TAF7L: variants seen among roughly 807,000 people sequenced by gnomAD.
The protein encoded by TAF7L is TATA-box binding protein associated factor 7 like.
In TAF7L, 6 loss-of-function variants were observed where a neutral mutation model predicts 30.2. The ratio of observed to expected loss-of-function variants is 0.20; its 90% CI spans 0.11 to 0.39. TAF7L has a LOEUF of 0.39. TAF7L is among the 10% of genes least tolerant of loss of function. The pLI is 1.00. For missense variants in TAF7L, 284 were observed against 277.1 expected (o/e 1.03, Z -0.18); for synonymous variants, 93 against 94.5 (o/e 0.98, Z 0.09).
At chrX:101,278,850 G>A (rs1924306031) in intron 7 of TAF7L, 144 bp downstream of exon 7, 2 of 463,619 alleles carry the variant, frequency 4.3e-6, no homozygotes, top group African/African-American at 4.8e-5. Flanking sequence ...ATCAAACCCA[G>A]TGTATGTGTT....
At chrX:101,274,785 T>A (rs773559055) in intron 12 of TAF7L, among the ~76,000 whole-genome samples, 1 of 112,323 alleles carries the variant, frequency 8.9e-6, no homozygotes. Flanking sequence ...TAGCTCACAT[T>A]TATTTCAACG....
Position 101,268,322 on chromosome X carries a change from GA to G in TAF7L, c.*870del, listed in dbSNP as rs1451213436. 1 of 111,660 alleles carries G rather than the reference GA, an allele frequency of 9.0e-6. No individual in the cohort carries two copies. The highest frequency in any genetic ancestry group is 1.9e-5 in the Non-Finnish European group (1 of 53,138). 9.2% of individuals were successfully genotyped at this position (111,660 alleles called of 1,213,427 possible). A position where few individuals can be genotyped will look rare whatever the true frequency, so the allele number is the denominator to read the frequency against. ...CCATAAAACACTAATAATATACCTA[GA>G]AAAAAACCCAAACAAGATTGTTAAA... On this transcript the variant is annotated 3_prime_UTR_variant, in exon 13 of 13. Coordinates refer to ENST00000356784, the MANE Select transcript of TAF7L (RefSeq NM_001168474.2).
chrX:101,286,191 A>AG (rs1924588149), intron 3 of TAF7L, among the ~76,000 whole-genome samples: 1 of 107,243 alleles, frequency 9.3e-6, no homozygotes, highest in Non-Finnish European at 1.9e-5. Flanking sequence ...AAAAAAAAAA[A>AG]AAAAGAAAGA....
chrX:101,290,197 A>AAAAACAAAAC (rs763682311), intron 1 of TAF7L, among the ~76,000 whole-genome samples: 1 of 110,887 alleles, frequency 9.0e-6, no homozygotes, highest in Non-Finnish European at 1.9e-5. Context: ...ACTCCTTCTC[A>AAAAACAAAAC]AAAACAAAAC....
chrX:101,283,809 A>G (rs1924495362), intron 3 of TAF7L, among the ~76,000 whole-genome samples: 1 of 111,918 alleles, frequency 8.9e-6, no homozygotes, highest in Non-Finnish European at 1.9e-5. Context: ...AAAAGTAGCT[A>G]AGTTTCTTGT....
chrX:101,268,459 T>TCTAA lies in TAF7L; in HGVS notation c.*730_*733dup, dbSNP rs765543856. On this transcript the variant is annotated 3_prime_UTR_variant, in exon 13 of 13. Coordinates refer to ENST00000356784, the MANE Select transcript of TAF7L (RefSeq NM_001168474.2). Reference sequence around the variant, plus strand: ...CAGTTCATAATTTCTTCATCTCTGCTCTAACTGTTCCCTTAGTTGGTGAAT... The same window carrying TCTAA: ...CAGTTCATAATTTCTTCATCTCTGCTCTAACTAACTGTTCCCTTAGTTGGTGAAT... The TCTAA allele has an allele frequency of 1.8e-5, 2 of 111,872 alleles. No homozygotes were observed. Among genetic ancestry groups the TCTAA allele is most frequent in the Admixed American group, 9.5e-5 (1 of 10,482 alleles). The allele number at this position is 111,872 out of a possible 1,213,427, so 9.2% of individuals were successfully genotyped here.
chrX:101,286,298 T>G (rs752179160), intron 3 of TAF7L, among the ~76,000 whole-genome samples: 3 of 111,618 alleles, frequency 2.7e-5, no homozygotes, highest in African/African-American at 9.7e-5. Context: ...TCATAAAGTT[T>G]ATATATGGGA....
At chrX:101,273,587 TA>T (rs373591733) in intron 12 of TAF7L, among the ~76,000 whole-genome samples, 2,504 of 104,074 alleles carry the variant, frequency 0.024, 90 homozygotes, top group African/African-American at 0.078. Context: ...AGACTCCATT[TA>T]AAAAAAAAAA....
chrX:101,287,984 G>A (rs770995850), intron 1 of TAF7L, among the ~76,000 whole-genome samples: 1 of 111,720 alleles, frequency 9.0e-6, no homozygotes, highest in Non-Finnish European at 1.9e-5. Flanking sequence ...AATGTTCTGT[G>A]ATGATTTGAA....
At chrX:101,276,140 A>G in intron 10 of TAF7L, 28 bp from the exon 11 acceptor site, 1 of 1,157,096 alleles carries the variant, frequency 8.6e-7, no homozygotes, top group African/African-American at 1.8e-5. Context: ...AACTTTATAT[A>G]TTAAATATAG....
chrX:101,282,681 CTTTGT>C (rs763773472), intron 4 of TAF7L, among the ~76,000 whole-genome samples: 97 of 109,592 alleles, frequency 8.9e-4, no homozygotes, highest in African/African-American at 3.1e-3. Flanking sequence ...TCTGAAGGTG[CTTTGT>C]TTTGTTTTTT....
rs1924122377 is a variant in TAF7L at position 101,275,285 on chromosome X, A to T, written c.1027-4T>A. ...CCAGCACAGACTGAAAATGATTCTG[A>T]AAAATAAATTGTATAAATGATGAAC... is the stretch of plus-strand genomic sequence containing the variant. On this transcript the variant is annotated splice_region_variant and splice_polypyrimidine_tract_variant and intron_variant, in intron 11 of 12. Transcript: ENST00000356784. 8.7e-7 allele frequency: 1 copy of T among 1,151,344 alleles called. No homozygotes were observed. The allele number at this position is 1,151,344 out of a possible 1,213,427, so 94.9% of individuals were successfully genotyped here. A position where few individuals can be genotyped will look rare whatever the true frequency, so the allele number is the denominator to read the frequency against.
chrX:101,274,311 C>A (rs912311749), intron 12 of TAF7L, among the ~76,000 whole-genome samples: 3 of 109,192 alleles, frequency 2.7e-5, no homozygotes, highest in Non-Finnish European at 3.8e-5. Flanking sequence ...ACCTCCTGGG[C>A]TCAAGCAATC....
chrX:101,281,808 T>C lies in TAF7L; in HGVS notation c.407-33A>G, dbSNP rs769073418. On this transcript the variant is annotated intron_variant, in intron 5 of 12. Transcript: ENST00000356784. ...AAATACAACACAGTGAAACGTTATA[T>C]GACTGATGGTAGTCACATAGCTGAA... 6 of 1,144,016 alleles carry C rather than the reference T, an allele frequency of 5.2e-6. No individual in the cohort carries two copies. In the Admixed American group the frequency reaches 1.3e-4, roughly 25 times the overall value. The allele number at this position is 1,144,016 out of a possible 1,213,427, so 94.3% of individuals were successfully genotyped here. A position where few individuals can be genotyped will look rare whatever the true frequency, so the allele number is the denominator to read the frequency against.
In TAF7L at chrX:101,277,614, G is replaced by A. The variant is rs775727148; in HGVS notation, c.683C>T (p.Thr228Ile). Residue 228 changes from threonine to isoleucine, a missense_variant, in exon 9 of 13, where the codon ACC becomes ATC. By Grantham distance (89) the Thr-to-Ile change is moderately conservative. Coordinates refer to ENST00000356784, the MANE Select transcript of TAF7L (RefSeq NM_001168474.2). ...TGCCTTTACTAAAGTACCTGACGAG[G>A]TATGACCCTGCTTGTGGCTGCTCAT... ...SGMSSHKQGHTSSEYDMLREM... is the reference protein window; with the variant it reads ...SGMSSHKQGHISSEYDMLREM... The A allele has an allele frequency of 5.1e-6, 6 of 1,185,539 alleles. No homozygotes were observed. In the South Asian group the frequency reaches 5.6e-5, roughly 11 times the overall value.
intron 4 of TAF7L, among the ~76,000 whole-genome samples, chrX:101,283,222 G>A (rs915649641): frequency 8.0e-5 from 9 of 112,170 alleles, no homozygotes; most frequent in Non-Finnish European, 1.7e-4. Context: ...GTCACTATAA[G>A]TGGCAAATGG....
At chrX:101,292,260 A>G (rs750266717), upstream of TAF7L, among the ~76,000 whole-genome samples, 3 of 65,434 alleles carry the variant, frequency 4.6e-5, no homozygotes, top group Admixed American at 1.6e-4. Flanking sequence ...AATAAATAAA[A>G]AAAATAAATA....
At chrX:101,280,042 G>C (rs1458185034) in intron 6 of TAF7L, among the ~76,000 whole-genome samples, 1 of 75,513 alleles carries the variant, frequency 1.3e-5, no homozygotes, top group Non-Finnish European at 2.6e-5. Flanking sequence ...GGCTTAAAAA[G>C]ATGTAAAAAA....
chrX:101,270,390 C>G (rs1343301686), intron 12 of TAF7L, among the ~76,000 whole-genome samples: 1 of 110,978 alleles, frequency 9.0e-6, no homozygotes, highest in South Asian at 3.9e-4. Context: ...TGCTGAGTGA[C>G]CCCTGATTGA....
Sources: gnomAD v4.1 joint callset for allele counts (sites outside exome capture counted in the v4.1 genomes callset) on GRCh38, gnomAD v4.1.1 for gene constraint, MANE v1.5 for transcripts, NCBI Gene and HGNC (gene_info 2026-07-23, HGNC 2026-07-21) for gene names.